The following PRMT3 variants were observed in gnomAD, a reference collection of about 807,000 sequenced individuals.
PRMT3 encodes the protein protein arginine methyltransferase 3.
A neutral mutation model predicts 71.9 loss-of-function variants in PRMT3; 62 were observed. The ratio of observed to expected loss-of-function variants is 0.86; its 90% CI spans 0.70 to 1.07. PRMT3 has a LOEUF of 1.07. Among genes scored for constraint, PRMT3 ranks in the 50% least tolerant of loss-of-function variants. The probability of loss-of-function intolerance (pLI) is 0.00; values close to 1 mark genes in which losing one functional copy is unlikely to be tolerated. For missense variants in PRMT3, 663 were observed against 643.0 expected, an observed-to-expected ratio of 1.03 and a Z score of -0.34; for synonymous variants, 213 against 220.4, an observed-to-expected ratio of 0.97 and a Z score of 0.30.
At chr11:20,437,761 T>C (rs192422717) in intron 10 of PRMT3, among the ~76,000 whole-genome samples, 15 of 152,192 alleles carry the variant, frequency 9.9e-5, no homozygotes, top group Admixed American at 9.2e-4. Flanking sequence ...GGCTAATTTT[T>C]TGCATTTTTA....
chr11:20,397,290 G>A (rs1462091791), intron 6 of PRMT3, among the ~76,000 whole-genome samples: 1 of 152,140 alleles, frequency 6.6e-6, no homozygotes, highest in Non-Finnish European at 1.5e-5. Flanking sequence ...AATAATAGAG[G>A]ATTATAAAAG....
At chr11:20,431,930 T>C (rs773887217) in intron 10 of PRMT3, among the ~76,000 whole-genome samples, 4 of 152,114 alleles carry the variant, frequency 2.6e-5, no homozygotes, top group Non-Finnish European at 4.4e-5. Context: ...CAGGGAGATA[T>C]TTATAGTACT....
chr11:20,418,327 AT>A (rs1849353427), intron 9 of PRMT3, among the ~76,000 whole-genome samples: 1 of 152,058 alleles, frequency 6.6e-6, no homozygotes, highest in East Asian at 1.9e-4. Flanking sequence ...AAATCTGTAT[AT>A]TTTTTTCACG....
At chr11:20,401,445 G>C (rs11025550) in intron 7 of PRMT3, among the ~76,000 whole-genome samples, 1 of 152,016 alleles carries the variant, frequency 6.6e-6, no homozygotes, top group African/African-American at 2.4e-5. Context: ...AAAGCAGTGA[G>C]AAATAATCAG....
intron 10 of PRMT3, among the ~76,000 whole-genome samples, chr11:20,439,868 A>C (rs1012031657): frequency 3.9e-5 from 6 of 152,194 alleles, no homozygotes; most frequent in African/African-American, 1.4e-4. Context: ...TGTGTACTAG[A>C]TATCAAGCTA....
chr11:20,486,749 C>T (rs1461607438), intron 13 of PRMT3, among the ~76,000 whole-genome samples: 1 of 152,110 alleles, frequency 6.6e-6, no homozygotes, highest in Non-Finnish European at 1.5e-5. Context: ...ACTAAGATTT[C>T]TTCTAAGAAT....
At chr11:20,435,894 G>C (rs544835208) in intron 10 of PRMT3, among the ~76,000 whole-genome samples, 1 of 152,292 alleles carries the variant, frequency 6.6e-6, no homozygotes, top group Admixed American at 6.5e-5. Flanking sequence ...CACTGAATCT[G>C]TAAATCACTT....
intron 12 of PRMT3, among the ~76,000 whole-genome samples, 171 bp from the exon 13 acceptor site, chr11:20,464,289 A>G (rs1209892475): frequency 1.3e-5 from 2 of 152,188 alleles, no homozygotes; most frequent in Non-Finnish European, 2.9e-5. Flanking sequence ...TTAAACTTAT[A>G]AATAATTCCA....
intron 13 of PRMT3, among the ~76,000 whole-genome samples, chr11:20,471,651 C>T (rs112011018): frequency 4.6e-5 from 7 of 152,124 alleles, no homozygotes; most frequent in African/African-American, 1.7e-4. Flanking sequence ...AGCATGATGC[C>T]TCTAGCTTTG....
At chr11:20,398,182 A>G (rs1021665797) in intron 7 of PRMT3, among the ~76,000 whole-genome samples, 2 of 152,158 alleles carry the variant, frequency 1.3e-5, no homozygotes, top group Non-Finnish European at 2.9e-5. Context: ...GGATTAAATT[A>G]TATATTACCT....
intron 9 of PRMT3, among the ~76,000 whole-genome samples, chr11:20,414,782 G>A (rs894433252): frequency 1.3e-5 from 2 of 152,056 alleles, no homozygotes; most frequent in African/African-American, 4.8e-5. Context: ...TATTGCCTGT[G>A]TTTAGAATAC....
intron 10 of PRMT3, among the ~76,000 whole-genome samples, chr11:20,441,493 G>A (rs1021592931): frequency 6.6e-6 from 1 of 151,624 alleles, no homozygotes; most frequent in African/African-American, 2.4e-5. Flanking sequence ...ATTTTTAGTA[G>A]AGACGGGGTT....
Position 20,493,969 on chromosome 11 carries a change from GGTAA to G in PRMT3, c.1398+4_1398+7del, listed in dbSNP as rs754374221. 2 of 1,583,994 alleles carry G rather than the reference GGTAA, an allele frequency of 1.3e-6. No homozygotes were observed. Among genetic ancestry groups the G allele is most frequent in the African/African-American group, 1.4e-5 (1 of 73,914 alleles). On this transcript the variant is annotated splice_donor_variant and splice_donor_region_variant and intron_variant, in intron 14 of 15. Transcript: ENST00000331079. LOFTEE classifies it high-confidence loss of function. ...ATTTTGAGAAGAATTGCCACAACAGGGTAAGTATCATGAATTATCTCATAAGAAT... is the reference window on the plus strand; with the variant it reads ...ATTTTGAGAAGAATTGCCACAACAGGGTATCATGAATTATCTCATAAGAAT...
chr11:20,462,855 G>A (rs974619242), intron 12 of PRMT3, among the ~76,000 whole-genome samples: 1 of 151,576 alleles, frequency 6.6e-6, no homozygotes, highest in African/African-American at 2.4e-5. Flanking sequence ...TTAGGTTCAG[G>A]ATATTGTCTT....
chr11:20,445,293 G>A lies in PRMT3; in HGVS notation c.994-6837G>A, dbSNP rs142245071. Among the ~76,000 whole-genome samples, 923 of 152,048 alleles carry A rather than the reference G, an allele frequency of 6.1e-3. 3 individuals are homozygous for A. Among genetic ancestry groups the A allele is most frequent in the Non-Finnish European group, 9.9e-3 (672 of 67,928 alleles). ...TTTTAAAATTTTATGTGCAAATAGT[G>A]TATAACAATGATGTAAAATTTGCAA... On this transcript the variant is annotated intron_variant, in intron 10 of 15. Coordinates refer to ENST00000331079, the MANE Select transcript of PRMT3 (RefSeq NM_005788.4).
chr11:20,391,623 C>T (rs747693641), intron 3 of PRMT3, among the ~76,000 whole-genome samples: 7 of 151,722 alleles, frequency 4.6e-5, no homozygotes, highest in Non-Finnish European at 8.8e-5. Flanking sequence ...TTTTACTTAC[C>T]GATATAGGGG....
chr11:20,420,211 A>G (rs1849396034), intron 9 of PRMT3, among the ~76,000 whole-genome samples: 1 of 152,206 alleles, frequency 6.6e-6, no homozygotes, highest in African/African-American at 2.4e-5. Context: ...ATTGGGAAGT[A>G]AAGTTTATTC....
At chr11:20,440,824 T>C (rs1274052484) in intron 10 of PRMT3, among the ~76,000 whole-genome samples, 1 of 152,224 alleles carries the variant, frequency 6.6e-6, no homozygotes, top group Non-Finnish European at 1.5e-5. Flanking sequence ...ATTGGATATG[T>C]GGTTTGCAAA....
intron 15 of PRMT3, among the ~76,000 whole-genome samples, chr11:20,499,611 G>A (rs756880711): frequency 4.7e-4 from 72 of 152,084 alleles, no homozygotes; most frequent in Non-Finnish European, 7.6e-4. Context: ...TGGGTGCAGA[G>A]CAAGGTCCTA....
Sources: allele counts gnomAD v4.1 joint callset (sites outside exome capture counted in the v4.1 genomes callset), GRCh38; gene constraint gnomAD v4.1.1; transcripts MANE v1.5; gene names NCBI Gene and HGNC (gene_info 2026-07-23, HGNC 2026-07-21).